Variants in ANKH observed in about 807,000 individuals in gnomAD.
ANKH encodes the protein ANKH inorganic pyrophosphate transport regulator.
Under a neutral mutation model 49.0 loss-of-function variants are expected in ANKH, and 15 were observed. That is an observed-to-expected ratio of 0.31 (90% CI 0.20 to 0.47). The LOEUF is 0.47. Ranked by LOEUF, ANKH falls within the 20% of genes least tolerant of loss-of-function variation. The probability of loss-of-function intolerance (pLI) is 1.00; values close to 1 mark genes in which losing one functional copy is unlikely to be tolerated. For missense variants in ANKH, 429 were observed against 652.0 expected (o/e 0.66, Z 3.72); for synonymous variants, 273 against 260.0 (o/e 1.05, Z -0.48).
chr5:14,815,883 C>G (rs539606299), intron 1 of ANKH, among the ~76,000 whole-genome samples: 1 of 152,142 alleles, frequency 6.6e-6, no homozygotes, highest in Non-Finnish European at 1.5e-5. Flanking sequence ...AGGCACAGAT[C>G]GAGGGCGCTG....
chr5:14,830,087 C>T (rs1460659975), intron 1 of ANKH, among the ~76,000 whole-genome samples: 1 of 152,160 alleles, frequency 6.6e-6, no homozygotes, highest in African/African-American at 2.4e-5. Context: ...TTGGAAAGCA[C>T]CTCACTAGAG....
chr5:14,731,279 T>C (rs915956269), intron 8 of ANKH, among the ~76,000 whole-genome samples: 3 of 152,100 alleles, frequency 2.0e-5, no homozygotes, highest in Admixed American at 2.0e-4. Flanking sequence ...AAGTGTCATG[T>C]CTATGGCAGG....
In ANKH at chr5:14,707,743, A is replaced by G. The variant is rs1250854941; in HGVS notation, c.*3454T>C. On this transcript the variant is annotated 3_prime_UTR_variant, in exon 12 of 12. Coordinates refer to ENST00000284268, the MANE Select transcript of ANKH (RefSeq NM_054027.6). ...TTGTAAAGAAGCTTTATTTGGCCCCATCTGATACATCCTAAGCCAATATTA... is the reference window on the plus strand; with the variant it reads ...TTGTAAAGAAGCTTTATTTGGCCCCGTCTGATACATCCTAAGCCAATATTA... 1 of 152,200 alleles carries G rather than the reference A, an allele frequency of 6.6e-6. No individual in the cohort carries two copies. Among genetic ancestry groups the G allele is most frequent in the Non-Finnish European group, 1.5e-5 (1 of 68,032 alleles). 9.4% of individuals were successfully genotyped at this position (152,200 alleles called of 1,614,324 possible). A position where few individuals can be genotyped will look rare whatever the true frequency, so the allele number is the denominator to read the frequency against.
intron 1 of ANKH, among the ~76,000 whole-genome samples, chr5:14,851,791 CCA>C (rs1554010378): frequency 3.3e-5 from 5 of 152,200 alleles, no homozygotes; most frequent in Non-Finnish European, 7.3e-5. Flanking sequence ...TTTCACTTCC[CCA>C]AATTCTCATT....
intron 1 of ANKH, among the ~76,000 whole-genome samples, chr5:14,858,650 G>C (rs112234727): frequency 4.0e-5 from 6 of 151,364 alleles, no homozygotes; most frequent in Admixed American, 6.6e-5. Flanking sequence ...CAGGAGGCGG[G>C]GGTTGCAGTG....
rs1317076544 is a variant in ANKH, at chr5:14,797,103, C to T, written c.97-27912G>A. Reference sequence around the variant, plus strand: ...AGAAGAAAAAAGGGGAGTCTAAAATCACAAGAAGTAAAGACATATTTAGGA... The same window carrying T: ...AGAAGAAAAAAGGGGAGTCTAAAATTACAAGAAGTAAAGACATATTTAGGA... On this transcript the variant is annotated intron_variant, in intron 1 of 11. Transcript: ENST00000284268. 2.2e-6 allele frequency: 3 copies of T among 1,356,136 alleles called. No homozygotes were observed. In the East Asian group the frequency reaches 7.8e-5, roughly 35 times the overall value. The allele number at this position is 1,356,136 out of a possible 1,614,324, so 84.0% of individuals were successfully genotyped here. A position where few individuals can be genotyped will look rare whatever the true frequency, so the allele number is the denominator to read the frequency against.
chr5:14,847,444 C>T (rs991730095), intron 1 of ANKH, among the ~76,000 whole-genome samples: 2 of 152,176 alleles, frequency 1.3e-5, no homozygotes, highest in Non-Finnish European at 2.9e-5. Flanking sequence ...CTGCATGTTG[C>T]AGCAAAGACA....
intron 1 of ANKH, among the ~76,000 whole-genome samples, chr5:14,813,176 G>T (rs753705084): frequency 2.9e-4 from 44 of 152,094 alleles, no homozygotes; most frequent in Non-Finnish European, 5.7e-4. Flanking sequence ...AAGAGTTCAA[G>T]GTTACAGTGA....
intron 8 of ANKH, among the ~76,000 whole-genome samples, chr5:14,734,318 C>G (rs1490232713): frequency 6.6e-6 from 1 of 151,942 alleles, no homozygotes; most frequent in African/African-American, 2.4e-5. Context: ...CTAACCCTAG[C>G]CAATAGGGAA....
At chr5:14,827,374 G>C (rs1470283615) in intron 1 of ANKH, among the ~76,000 whole-genome samples, 1 of 152,086 alleles carries the variant, frequency 6.6e-6, no homozygotes, top group African/African-American at 2.4e-5. Context: ...TGATGAACTG[G>C]GGCTGGATGC....
At position 14,709,790 on chromosome 5, in the gene ANKH, A is replaced by T. The variant is rs944637312; in HGVS notation, c.*1407T>A. Reference sequence around the variant, plus strand: ...GATACAATACGTTTCAACTGCAGGTATGTTGAGCACACAAGCAATCACCGT... The same window carrying T: ...GATACAATACGTTTCAACTGCAGGTTTGTTGAGCACACAAGCAATCACCGT... On this transcript the variant is annotated 3_prime_UTR_variant, in exon 12 of 12. Coordinates refer to ENST00000284268, the MANE Select transcript of ANKH (RefSeq NM_054027.6). 37 of 152,666 alleles carry T rather than the reference A, an allele frequency of 2.4e-4. No homozygotes were observed. The highest frequency in any genetic ancestry group is 8.7e-4 in the African/African-American group (36 of 41,468). The allele number at this position is 152,666 out of a possible 1,614,324, so 9.5% of individuals were successfully genotyped here.
chr5:14,718,841 A>C lies in ANKH; in HGVS notation c.1012-2006T>G, dbSNP rs1426618824. On this transcript the variant is annotated intron_variant, in intron 8 of 11. Coordinates refer to ENST00000284268, the MANE Select transcript of ANKH (RefSeq NM_054027.6). Reference sequence around the variant, plus strand: ...TCCTCCCAACACCACCCCCCCCCCAAAAAAAAAAGACATAGAAAAAGATAA... The same window carrying C: ...TCCTCCCAACACCACCCCCCCCCCACAAAAAAAAGACATAGAAAAAGATAA... Among the ~76,000 whole-genome samples the C allele has an allele frequency of 6.0e-3, 477 of 79,742 alleles. 7 individuals carry two copies. The highest frequency in any genetic ancestry group is 0.016 in the African/African-American group (426 of 26,020). The allele number at this position is 79,742 out of a possible 152,430, so 52.3% of individuals were successfully genotyped here.
chr5:14,802,445 T>C (rs904695179), intron 1 of ANKH, among the ~76,000 whole-genome samples: 2 of 152,152 alleles, frequency 1.3e-5, no homozygotes, highest in African/African-American at 4.8e-5. Flanking sequence ...TCCCTATTAC[T>C]ACTTGATCTC....
chr5:14,813,070 A>G (rs1317237908), intron 1 of ANKH, among the ~76,000 whole-genome samples: 1 of 151,974 alleles, frequency 6.6e-6, no homozygotes, highest in Admixed American at 6.6e-5. Context: ...GTGAAACCCT[A>G]TCTCTACAAA....
At position 14,871,587 on chromosome 5, in the gene ANKH, C is replaced by A. The variant is rs1165789359; in HGVS notation, c.-140G>T. On this transcript the variant is annotated 5_prime_UTR_variant, in exon 1 of 12. Transcript: ENST00000284268. ...GGCGGCGGGGCCTCGGGCGCGGCGG[C>A]GGCGGCTCCTCCTCGCGGCTGCGGC... is the stretch of plus-strand genomic sequence containing the variant. The A allele has an allele frequency of 5.2e-5, 14 of 270,494 alleles. No individual in the cohort carries two copies. Among genetic ancestry groups the A allele is most frequent in the Non-Finnish European group, 8.2e-5 (14 of 170,214 alleles). The allele number at this position is 270,494 out of a possible 1,614,324, so 16.8% of individuals were successfully genotyped here.
chr5:14,829,509 TCTTTA>T (rs1398247110), intron 1 of ANKH, among the ~76,000 whole-genome samples: 4 of 152,198 alleles, frequency 2.6e-5, no homozygotes, highest in African/African-American at 9.7e-5. Flanking sequence ...AAGTGTCAAA[TCTTTA>T]CTTTATAAAT....
chr5:14,838,908 G>A (rs753260730), intron 1 of ANKH, among the ~76,000 whole-genome samples: 4 of 152,108 alleles, frequency 2.6e-5, no homozygotes, highest in Non-Finnish European at 4.4e-5. Context: ...CCAAGGAACC[G>A]ACTCGCTATC....
At position 14,745,223 on chromosome 5, in the gene ANKH, T is replaced by G. The variant is rs1738493333; in HGVS notation, c.915+647A>C. Reference sequence around the variant, plus strand: ...GTTTCACCAGCCATTTGTTTTAGAGTATTAAAAAAAGTCTATAGGTTTAAA... The same window carrying G: ...GTTTCACCAGCCATTTGTTTTAGAGGATTAAAAAAAGTCTATAGGTTTAAA... On this transcript the variant is annotated intron_variant, in intron 7 of 11. Transcript: ENST00000284268. This position sits in a 1 kb window ranked among gnomAD's most constrained non-coding sequence, Gnocchi z 4.7. 7.5e-6 allele frequency among the ~76,000 whole-genome samples: 1 copy of G among 133,684 alleles called. No homozygotes were observed. The allele number at this position is 133,684 out of a possible 152,430, so 87.7% of individuals were successfully genotyped here.
At chr5:14,755,764 A>C in intron 4 of ANKH, 97 bp downstream of exon 4, 2 of 1,140,992 alleles carry the variant, frequency 1.8e-6, no homozygotes, top group Middle Eastern at 3.9e-4. Flanking sequence ...TCGAATGCAG[A>C]GTGTACTGCA....
Sources: allele counts gnomAD v4.1 joint callset (sites outside exome capture counted in the v4.1 genomes callset), GRCh38; gene constraint gnomAD v4.1.1; non-coding constraint Gnocchi (gnomAD v3.1); transcripts MANE v1.5; gene names NCBI Gene and HGNC (gene_info 2026-07-23, HGNC 2026-07-21).